Variants in GRB10 observed in about 807,000 individuals in gnomAD.
GRB10 encodes the protein growth factor receptor bound protein 10.
GRB10 carries 20 observed loss-of-function variants against 80.9 expected under a neutral mutation model. The observed-to-expected ratio is 0.25, with a 90% CI of 0.17 to 0.36. The LOEUF (loss-of-function observed/expected upper bound fraction) is 0.36, where lower values mean the gene tolerates loss of function less well. Among genes scored for constraint, GRB10 ranks in the 10% least tolerant of loss-of-function variants. The probability of loss-of-function intolerance (pLI) is 1.00; values close to 1 mark genes in which losing one functional copy is unlikely to be tolerated. For missense variants in GRB10, 548 were observed against 747.7 expected, an observed-to-expected ratio of 0.73 and a Z score of 3.12; for synonymous variants, 291 against 291.5, an observed-to-expected ratio of 1.00 and a Z score of 0.02.
At chr7:50,790,548 A>C (rs1190993015) in intron 1 of GRB10, among the ~76,000 whole-genome samples, 4 of 152,272 alleles carry the variant, frequency 2.6e-5, no homozygotes, top group Admixed American at 2.6e-4. Context: ...TTACGGAGCA[A>C]ACGTGCAAAG....
At chr7:50,727,984 A>G (rs1221744137) in intron 4 of GRB10, 2 of 152,216 alleles carry the variant, frequency 1.3e-5, no homozygotes, top group Non-Finnish European at 1.5e-5. Flanking sequence ...ACCTCACAAA[A>G]TATCTCCATA....
chr7:50,725,646 A>C (rs1362315658), intron 4 of GRB10, among the ~76,000 whole-genome samples: 1 of 152,236 alleles, frequency 6.6e-6, no homozygotes, highest in Non-Finnish European at 1.5e-5. Flanking sequence ...TTGATTACTA[A>C]CATTGAACTT....
intron 7 of GRB10, among the ~76,000 whole-genome samples, chr7:50,663,207 G>A (rs569322334): frequency 6.6e-6 from 1 of 152,264 alleles, no homozygotes; most frequent in South Asian, 2.1e-4. Context: ...TCCAGTGACA[G>A]GAAGTGGGAC....
intron 5 of GRB10, among the ~76,000 whole-genome samples, chr7:50,685,966 G>A (rs532292331): frequency 6.6e-5 from 10 of 152,076 alleles, no homozygotes; most frequent in South Asian, 2.1e-4. Flanking sequence ...CCCTCAAACC[G>A]CCAGATGCAT....
At chr7:50,735,351 A>G (rs1380121223) in intron 3 of GRB10, among the ~76,000 whole-genome samples, 1 of 152,260 alleles carries the variant, frequency 6.6e-6, no homozygotes. Flanking sequence ...TAATATTGTT[A>G]AGATGAAATA....
intron 18 of GRB10, among the ~76,000 whole-genome samples, chr7:50,595,210 T>TC (rs1235860221): frequency 1.3e-5 from 2 of 152,124 alleles, no homozygotes; most frequent in African/African-American, 4.8e-5. Context: ...GCTCACAGGC[T>TC]CAAGGGGGGC....
intron 2 of GRB10, among the ~76,000 whole-genome samples, chr7:50,771,530 C>G (rs2076979939): frequency 6.6e-6 from 1 of 152,166 alleles, no homozygotes; most frequent in Admixed American, 6.5e-5. Flanking sequence ...GACGGACTGC[C>G]CCCCTGGGGT....
intron 5 of GRB10, among the ~76,000 whole-genome samples, chr7:50,683,661 C>T (rs761757915): frequency 1.3e-4 from 19 of 151,980 alleles, no homozygotes; most frequent in Non-Finnish European, 2.5e-4. Context: ...CGCTTGAACC[C>T]GGGAGGTGGA....
intron 7 of GRB10, among the ~76,000 whole-genome samples, chr7:50,635,962 C>CTTTTTTTT (rs56411780): frequency 4.2e-5 from 3 of 71,012 alleles, no homozygotes; most frequent in African/African-American, 2.0e-4. Context: ...TTTTCCTTTC[C>CTTTTTTTT]TTTTTTTTTT....
intron 3 of GRB10, among the ~76,000 whole-genome samples, chr7:50,749,134 G>GTTTTTTTTT (rs11405172): frequency 1.5e-5 from 2 of 137,902 alleles, no homozygotes; most frequent in Non-Finnish European, 1.5e-5. Context: ...TTTTTTGTTT[G>GTTTTTTTTT]TTTTTTTTTT....
intron 5 of GRB10, among the ~76,000 whole-genome samples, chr7:50,696,016 T>A (rs955425085): frequency 1.3e-5 from 2 of 152,176 alleles, no homozygotes; most frequent in Non-Finnish European, 2.9e-5. Flanking sequence ...AATCTGAGCA[T>A]CTTCTCAAAT....
chr7:50,759,709 T>C (rs2075537717), intron 2 of GRB10, among the ~76,000 whole-genome samples: 2 of 152,290 alleles, frequency 1.3e-5, no homozygotes, highest in East Asian at 3.9e-4. Context: ...AGCTGTGGAA[T>C]AGCAGAGCGG....
At chr7:50,751,539 T>C (rs2074108213) in intron 3 of GRB10, among the ~76,000 whole-genome samples, 1 of 152,140 alleles carries the variant, frequency 6.6e-6, no homozygotes, top group African/African-American at 2.4e-5. Context: ...CAATCTATAC[T>C]GAGAGAAAAC....
intron 4 of GRB10, among the ~76,000 whole-genome samples, chr7:50,726,393 G>C (rs893654647): frequency 6.6e-6 from 1 of 151,636 alleles, no homozygotes; most frequent in Admixed American, 6.6e-5. Flanking sequence ...GTGAGACTCT[G>C]TCTCAAAAAA....
At chr7:50,775,519 C>A (rs1242092387) in intron 2 of GRB10, among the ~76,000 whole-genome samples, 1 of 152,216 alleles carries the variant, frequency 6.6e-6, no homozygotes, top group Non-Finnish European at 1.5e-5. Context: ...CAGCCCCACC[C>A]CCACAGCTCC....
chr7:50,614,946 AG>A, intron 11 of GRB10, 66 bp from the exon 12 acceptor site: 1 of 975,986 alleles, frequency 1.0e-6, no homozygotes, highest in Non-Finnish European at 1.7e-6. Context: ...CACCTCTGGT[AG>A]ACAGAGGGCA....
At chr7:50,660,853 C>A (rs1028972785) in intron 7 of GRB10, among the ~76,000 whole-genome samples, 9 of 150,332 alleles carry the variant, frequency 6.0e-5, no homozygotes, top group Admixed American at 1.3e-4. Context: ...AGGGCCAAGG[C>A]CCTGGGGGCT....
At chr7:50,778,061 A>G (rs2077888306) in intron 2 of GRB10, among the ~76,000 whole-genome samples, 1 of 152,196 alleles carries the variant, frequency 6.6e-6, no homozygotes, top group Admixed American at 6.5e-5. Flanking sequence ...CGTTCTACAC[A>G]TGTATCCCGG....
intron 7 of GRB10, among the ~76,000 whole-genome samples, chr7:50,640,618 G>C (rs2056056687): frequency 6.6e-6 from 1 of 152,206 alleles, no homozygotes; most frequent in Admixed American, 6.5e-5. Flanking sequence ...ACCATAAAGA[G>C]AATTTCACTT....
Sources: allele counts gnomAD v4.1 joint callset (sites outside exome capture counted in the v4.1 genomes callset), GRCh38; gene constraint gnomAD v4.1.1; transcripts MANE v1.5; gene names NCBI Gene and HGNC (gene_info 2026-07-23, HGNC 2026-07-21).